Variants in UTRN observed in about 807,000 individuals in gnomAD.
UTRN encodes the protein dystrophin-related protein 1.
Under a neutral mutation model 463.9 loss-of-function variants are expected in UTRN, and 283 were observed. That is an observed-to-expected ratio of 0.61 (90% CI 0.55 to 0.67). The LOEUF is 0.67. Among genes scored for constraint, UTRN ranks in the 30% least tolerant of loss-of-function variants. UTRN has a pLI of 0.00. For synonymous variants in UTRN, 1,442 were observed against 1,431.5 expected, an observed-to-expected ratio of 1.01 and a Z score of -0.17; for missense variants, 3,922 against 4,084.3, an observed-to-expected ratio of 0.96 and a Z score of 1.08.
chr6:144,502,646 T>C (rs1022870475), intron 34 of UTRN, among the ~76,000 whole-genome samples: 9 of 152,206 alleles, frequency 5.9e-5, no homozygotes, highest in African/African-American at 2.2e-4. Context: ...ATTTTCTTTA[T>C]CCAGTCTAAC....
intron 50 of UTRN, among the ~76,000 whole-genome samples, chr6:144,573,145 T>C (rs955026868): frequency 6.6e-6 from 1 of 152,182 alleles, no homozygotes; most frequent in African/African-American, 2.4e-5. Context: ...CATCTGTTTG[T>C]TGGCCGCATA....
intron 68 of UTRN, 66 bp from the exon 69 acceptor site, chr6:144,828,724 A>T (rs1780406628): frequency 7.0e-7 from 1 of 1,426,274 alleles, no homozygotes; most frequent in South Asian, 1.2e-5. Context: ...ATGATTAAGG[A>T]TGTACGTCCA....
chr6:144,379,044 G>A (rs1407030362), intron 2 of UTRN, among the ~76,000 whole-genome samples: 1 of 152,204 alleles, frequency 6.6e-6, no homozygotes, highest in Non-Finnish European at 1.5e-5. Context: ...ATAGATTTGA[G>A]AGAGAAGCAA....
intron 50 of UTRN, among the ~76,000 whole-genome samples, chr6:144,573,187 T>C (rs966476492): frequency 1.3e-5 from 2 of 152,176 alleles, no homozygotes; most frequent in African/African-American, 4.8e-5. Context: ...TCTGTTGATA[T>C]CCTTCGCCTA....
At chr6:144,789,072 G>T (rs560887832) in intron 61 of UTRN, 122 bp from the exon 62 acceptor site, 4 of 738,258 alleles carry the variant, frequency 5.4e-6, no homozygotes, top group African/African-American at 5.3e-5. Context: ...TAGAAAAGTT[G>T]CATCTTTAAG....
chr6:144,459,284 C>T lies in UTRN; in HGVS notation c.2637C>T (p.Phe879=), dbSNP rs1210473584. Reference sequence around the variant, plus strand: ...CCCCAGATTTTGTCCAGCGGGGCTTCGATAGCTTTCTGGGCCGCTACCAAG... The same window carrying T: ...CCCCAGATTTTGTCCAGCGGGGCTTTGATAGCTTTCTGGGCCGCTACCAAG... ...PSAPDFVQRG[F]DSFLGRYQAV... is the part of the protein sequence containing the mutation. Residue 879 remains phenylalanine (F), a synonymous_variant, in exon 21 of 75, where the codon TTC becomes TTT. Coordinates refer to ENST00000367545, the MANE Select transcript of UTRN (RefSeq NM_007124.3). 21 of 1,613,864 alleles carry T rather than the reference C, an allele frequency of 1.3e-5. No homozygotes were observed. In the South Asian group the frequency reaches 1.3e-4, roughly 10 times the overall value.
chr6:144,740,442 T>C (rs1216150280), intron 54 of UTRN, among the ~76,000 whole-genome samples: 1 of 152,236 alleles, frequency 6.6e-6, no homozygotes, highest in Non-Finnish European at 1.5e-5. Context: ...TATTAGACTT[T>C]GTCTTTTTAA....
At chr6:144,323,011 G>A (rs1396820260) in intron 2 of UTRN, among the ~76,000 whole-genome samples, 2 of 151,980 alleles carry the variant, frequency 1.3e-5, no homozygotes, top group Admixed American at 1.3e-4. Flanking sequence ...CTTTGTACCT[G>A]GGGACTCCAT....
At chr6:144,322,973 C>A (rs1483411959) in intron 2 of UTRN, among the ~76,000 whole-genome samples, 3 of 150,768 alleles carry the variant, frequency 2.0e-5, no homozygotes, top group African/African-American at 7.3e-5. Flanking sequence ...ATTTCATGGG[C>A]CATTGGAAGT....
chr6:144,476,292 G>A (rs1791189924), intron 25 of UTRN, among the ~76,000 whole-genome samples: 1 of 151,674 alleles, frequency 6.6e-6, no homozygotes, highest in Non-Finnish European at 1.5e-5. Flanking sequence ...CTCTGGGAAG[G>A]CAGGAATGAA....
At chr6:144,683,206 A>G (rs1314560225) in intron 52 of UTRN, among the ~76,000 whole-genome samples, 1 of 152,210 alleles carries the variant, frequency 6.6e-6, no homozygotes. Context: ...GTCACTGGGC[A>G]AGGTGGCTTC....
chr6:144,689,429 T>C (rs1477898683), intron 52 of UTRN, among the ~76,000 whole-genome samples: 1 of 152,214 alleles, frequency 6.6e-6, no homozygotes, highest in Admixed American at 6.5e-5. Flanking sequence ...TGGAAATGTC[T>C]GGGAGTCAAG....
chr6:144,629,573 G>C (rs1339617059), intron 51 of UTRN, among the ~76,000 whole-genome samples: 1 of 152,170 alleles, frequency 6.6e-6, no homozygotes, highest in Non-Finnish European at 1.5e-5. Context: ...GTGATTCCAT[G>C]TCCAGCAAGG....
At chr6:144,741,052 A>G (rs1373792835) in intron 54 of UTRN, among the ~76,000 whole-genome samples, 1 of 152,226 alleles carries the variant, frequency 6.6e-6, no homozygotes, top group Non-Finnish European at 1.5e-5. Flanking sequence ...TAATGTACTT[A>G]TGTTTTGTGA....
At chr6:144,403,848 C>T (rs568320942) in intron 3 of UTRN, among the ~76,000 whole-genome samples, 25 of 152,264 alleles carry the variant, frequency 1.6e-4, no homozygotes, top group Non-Finnish European at 4.4e-5. Context: ...ATTTTGTGCA[C>T]TAAGCCTGAG....
rs1161302466 is a variant in UTRN, at chr6:144,704,137, A to G, written c.7809+3894A>G. Among the ~76,000 whole-genome samples the G allele has an allele frequency of 2.0e-5, 3 of 152,098 alleles. No individual in the cohort carries two copies. In the East Asian group the frequency reaches 5.8e-4, roughly 29 times the overall value. ...AAAACCTACTTACCGAATAACTTTT[A>G]TGTCCTAGCACCATTCTAAGCACTG... On this transcript the variant is annotated intron_variant, in intron 53 of 74. Transcript: ENST00000367545.
rs1292456546 is a variant in UTRN at position 144,516,237 on chromosome 6, T to A, written c.5253T>A (p.Ile1751=). Residue 1751 remains isoleucine (I), a synonymous_variant, in exon 38 of 75, where the codon ATT becomes ATA. Coordinates refer to ENST00000367545, the MANE Select transcript of UTRN (RefSeq NM_007124.3). The part of the protein sequence containing the change: ...SQHIKSAKLL[I]AQEPLYQCLV... ...TTCTTTTCCTTCTACAGTTGCTAAT[T>A]GCTCAGGAACCATTATACCAATGTT... 1.2e-6 allele frequency: 2 copies of A among 1,611,340 alleles called. No individual in the cohort carries two copies. Among genetic ancestry groups the A allele is most frequent in the Non-Finnish European group, 1.7e-6 (2 of 1,179,452 alleles).
At chr6:144,472,225 A>G (rs1790728385) in intron 23 of UTRN, among the ~76,000 whole-genome samples, 2 of 152,196 alleles carry the variant, frequency 1.3e-5, no homozygotes, top group Admixed American at 1.3e-4. Flanking sequence ...TGTGCTTAGG[A>G]AAGAATGTCG....
At chr6:144,579,693 G>A (rs1232380447) in intron 51 of UTRN, among the ~76,000 whole-genome samples, 2 of 152,158 alleles carry the variant, frequency 1.3e-5, no homozygotes, top group East Asian at 3.9e-4. Context: ...TCAAGAAAGG[G>A]TGCTGATAAA....
Sources: gnomAD v4.1 joint callset for allele counts (sites outside exome capture counted in the v4.1 genomes callset) on GRCh38, gnomAD v4.1.1 for gene constraint, MANE v1.5 for transcripts, NCBI Gene and HGNC (gene_info 2026-07-23, HGNC 2026-07-21) for gene names.